KIAA1210: variants seen among roughly 807,000 people sequenced by gnomAD.
KIAA1210 encodes the protein KIAA1210.
In KIAA1210, 48 loss-of-function variants were observed where a neutral mutation model predicts 78.9. That is an observed-to-expected ratio of 0.61 (90% CI 0.48 to 0.77). The LOEUF (loss-of-function observed/expected upper bound fraction) is 0.77. Among genes scored for constraint, KIAA1210 ranks in the 30% least tolerant of loss-of-function variants. KIAA1210 has a pLI of 0.00. For synonymous variants in KIAA1210, 406 were observed against 404.5 expected, an observed-to-expected ratio of 1.00 and a Z score of -0.04; for missense variants, 1,108 against 1,100.0, an observed-to-expected ratio of 1.01 and a Z score of -0.10.
chrX:119,150,694 C>G, upstream of KIAA1210: 2 of 817,542 alleles, frequency 2.4e-6, no homozygotes, highest in Non-Finnish European at 3.5e-6. Context: ...CGCACACCTG[C>G]GCGAGCTCTC....
intron 1 of KIAA1210, among the ~76,000 whole-genome samples, chrX:119,127,022 C>T (rs1286243284): frequency 9.1e-6 from 1 of 109,336 alleles, no homozygotes; most frequent in East Asian, 2.8e-4. Flanking sequence ...TACAGTGAGC[C>T]AAGATCATGC....
At chrX:119,101,456 A>G (rs1467931126) in intron 6 of KIAA1210, among the ~76,000 whole-genome samples, 1 of 111,285 alleles carries the variant, frequency 9.0e-6, no homozygotes, top group South Asian at 3.9e-4. Context: ...TATGTGAGTC[A>G]AAAGCTAAAA....
At chrX:119,125,735 A>ATATATATATATATTT (rs5903546) in intron 1 of KIAA1210, among the ~76,000 whole-genome samples, 8 of 15,790 alleles carry the variant, frequency 5.1e-4, no homozygotes, top group Admixed American at 1.5e-3. Context: ...ATATATATAT[A>ATATATATATATATTT]TTTTTTTTTT....
chrX:119,136,009 C>T (rs748975853), intron 2 of KIAA1210, among the ~76,000 whole-genome samples: 2 of 110,530 alleles, frequency 1.8e-5, no homozygotes, highest in South Asian at 3.9e-4. Flanking sequence ...GCCGAGATTG[C>T]GCCACTGCAC....
At chrX:119,124,304 A>G (rs1040191928) in intron 1 of KIAA1210, among the ~76,000 whole-genome samples, 11 of 112,405 alleles carry the variant, frequency 9.8e-5, no homozygotes, top group Admixed American at 9.4e-4. Context: ...TCTTTTTGAG[A>G]TGATGAAAAT....
At position 119,106,498 on chromosome X, in the gene KIAA1210, G is replaced by A. The variant is rs145696405; in HGVS notation, c.493-1351C>T. ...CTAATTATAAGAGCCAGAAAAGGGA[G>A]AGCCCATACTGAAGCCCAAGTTCAA... is the stretch of plus-strand genomic sequence containing the variant. On this transcript the variant is annotated intron_variant, in intron 5 of 11. Transcript: ENST00000691062. Among the ~76,000 whole-genome samples the A allele has an allele frequency of 7.8e-3, 867 of 111,783 alleles. 11 individuals are homozygous for A. Among genetic ancestry groups the A allele is most frequent in the African/African-American group, 0.027 (833 of 30,714 alleles).
chrX:119,086,713 C>T lies in KIAA1210; in HGVS notation c.3989G>A (p.Gly1330Asp), dbSNP rs201623740. The change falls in exon 9 of 12, where the codon GGC becomes GAC. Residue 1330 changes from glycine to aspartate, a missense_variant. Gly to Asp is a moderately conservative substitution (Grantham distance 94, BLOSUM62 -1). Around this residue, in one of 5 missense-constraint regions of KIAA1210, gnomAD observed 245 missense variants for 278.8 expected, o/e 0.88. Transcript: ENST00000691062. ...NFTQLASVPS[G>D]PISSSVGRGH... ...CCTGCCTACAGAGGATGAAATTGGG[C>T]CCGAGGGCACTGAAGCAAGCTGGGT... 1.6e-4 allele frequency: 197 copies of T among 1,209,467 alleles called. No homozygotes were observed. In the African/African-American group the frequency reaches 3.0e-3, roughly 19 times the overall value.
At chrX:119,095,133 T>A (rs761946444) in intron 7 of KIAA1210, among the ~76,000 whole-genome samples, 98 of 112,450 alleles carry the variant, frequency 8.7e-4, no homozygotes, top group African/African-American at 2.8e-3. Flanking sequence ...AAAAAAGTGT[T>A]GAGCTGGAAG....
intron 1 of KIAA1210, among the ~76,000 whole-genome samples, chrX:119,124,878 G>C (rs1261252845): frequency 1.9e-5 from 2 of 105,803 alleles, no homozygotes; most frequent in Non-Finnish European, 3.9e-5. Context: ...GACAGAGCAG[G>C]ACCCTGTCTC....
At chrX:119,116,345 G>A (rs1368625820) in intron 3 of KIAA1210, 151 bp downstream of exon 3, 3 of 499,215 alleles carry the variant, frequency 6.0e-6, no homozygotes, top group South Asian at 3.7e-5. Context: ...CCCCTCCCCC[G>A]GACATGACTG....
intron 3 of KIAA1210, among the ~76,000 whole-genome samples, chrX:119,110,542 C>A (rs1418473609): frequency 9.0e-6 from 1 of 111,537 alleles, no homozygotes; most frequent in Non-Finnish European, 1.9e-5. Flanking sequence ...TATCTCTATT[C>A]ACAGATGACA....
chrX:119,124,181 C>T (rs1425729184), intron 1 of KIAA1210, among the ~76,000 whole-genome samples: 7 of 111,361 alleles, frequency 6.3e-5, no homozygotes, highest in Admixed American at 1.9e-4. Context: ...ATTTTTAGTA[C>T]GGACAGGGTC....
chrX:119,127,639 C>A (rs1419497024), intron 1 of KIAA1210, among the ~76,000 whole-genome samples, 88 bp downstream of exon 1: 1 of 111,582 alleles, frequency 9.0e-6, no homozygotes, highest in African/African-American at 3.3e-5. Flanking sequence ...CACAAATCTC[C>A]CCTTGAGTTC....
chrX:119,123,936 T>TG (rs748403308), intron 1 of KIAA1210, among the ~76,000 whole-genome samples: 37 of 110,363 alleles, frequency 3.4e-4, no homozygotes, highest in Middle Eastern at 4.6e-3. Context: ...TTTGTTTTGG[T>TG]GGGGGGGGCG....
At position 119,150,457 on chromosome X, in the gene KIAA1210, C is replaced by T. The variant is rs180677910; in HGVS notation, c.123G>A (p.Ala41=). Residue 41 remains alanine (A), a synonymous_variant, in exon 1 of 14, where the codon GCG becomes GCA. Transcript: ENST00000402510. ...GACAACTGCAACAGCCTTGGGAATA[C>T]GCTCGACTTCCAATCCTGGCCCCTC... 342 of 1,210,179 alleles carry T rather than the reference C, an allele frequency of 2.8e-4. 3 individuals carry two copies. In the African/African-American group the frequency reaches 4.0e-3, roughly 14 times the overall value.
chrX:119,150,644 A>G, upstream of KIAA1210: 1 of 1,088,820 alleles, frequency 9.2e-7, no homozygotes, highest in Non-Finnish European at 1.2e-6. Context: ...AGCTGGGTTG[A>G]GGACTCTCCC....
chrX:119,087,642 G>T lies in KIAA1210; in HGVS notation c.3060C>A (p.Phe1020Leu). ...SPIPRRPTQS[F>L]VKFMAQQIFS... Reference sequence around the variant, plus strand: ...AGATTTGCTGTGCCATAAATTTCACGAATGACTGGGTCGGACGCCTGGGAA... The same window carrying T: ...AGATTTGCTGTGCCATAAATTTCACTAATGACTGGGTCGGACGCCTGGGAA... Residue 1020 changes from phenylalanine to leucine, a missense_variant, in exon 9 of 12, where the codon TTC becomes TTA. Phe to Leu is a conservative substitution (Grantham distance 22). Transcript: ENST00000691062. The T allele has an allele frequency of 8.3e-7, 1 of 1,211,026 alleles. No individual in the cohort carries two copies. Among genetic ancestry groups the T allele is most frequent in the Non-Finnish European group, 1.1e-6 (1 of 895,234 alleles).
In KIAA1210 at chrX:119,116,634, T is replaced by C. The variant is rs759046679; in HGVS notation, c.92A>G (p.Lys31Arg). The change falls in exon 3 of 12, where the codon AAG becomes AGG. Residue 31 changes from lysine to arginine, a missense_variant. Lys to Arg is a conservative substitution (Grantham distance 26). Coordinates refer to ENST00000691062, the MANE Select transcript of KIAA1210 (RefSeq NM_001394962.1). ...TTCCTTCTTCTTAACAAAAAAGCTCTTAAGGGCTTTAAATTTGCATTTCTT... is the reference window on the plus strand; with the variant it reads ...TTCCTTCTTCTTAACAAAAAAGCTCCTAAGGGCTTTAAATTTGCATTTCTT... ...GKKKCKFKALKSFFVKKKEKE... is the reference protein window; with the variant it reads ...GKKKCKFKALRSFFVKKKEKE... 2.5e-6 allele frequency: 3 copies of C among 1,204,058 alleles called. No homozygotes were observed. The highest frequency in any genetic ancestry group is 3.4e-6 in the Non-Finnish European group (3 of 891,129).
chrX:119,115,235 TTC>T (rs750731045), intron 3 of KIAA1210, among the ~76,000 whole-genome samples: 30 of 105,614 alleles, frequency 2.8e-4, no homozygotes, highest in Admixed American at 5.1e-4. Context: ...AATCCCCCCC[TTC>T]TCTCTCTCTC....
Sources: gnomAD v4.1 joint callset for allele counts (sites outside exome capture counted in the v4.1 genomes callset) on GRCh38, gnomAD v4.1.1 for gene constraint, gnomAD v4.1.1 regional missense constraint, MANE v1.5 for transcripts, NCBI Gene and HGNC (gene_info 2026-07-23, HGNC 2026-07-21) for gene names.